The following TGFBRAP1 variants were observed in gnomAD, a reference collection of about 807,000 sequenced individuals.
The protein encoded by TGFBRAP1 is transforming growth factor-beta receptor-associated protein 1.
In TGFBRAP1, 20 loss-of-function variants were observed where a neutral mutation model predicts 83.2. The ratio of observed to expected loss-of-function variants is 0.24; its 90% CI spans 0.17 to 0.35. The LOEUF (loss-of-function observed/expected upper bound fraction) is 0.35, where lower values mean the gene tolerates loss of function less well. Ranked by LOEUF, TGFBRAP1 falls within the 10% of genes least tolerant of loss-of-function variation. The pLI, the probability that TGFBRAP1 is intolerant of heterozygous loss-of-function variation, is 1.00. For synonymous variants in TGFBRAP1, 415 were observed against 459.8 expected (o/e 0.90, Z 1.25); for missense variants, 950 against 1,099.4 (o/e 0.86, Z 1.92).
chr2:105,324,341 G>C (rs773136473), intron 1 of TGFBRAP1: 1 of 152,162 alleles, frequency 6.6e-6, no homozygotes, highest in Non-Finnish European at 1.5e-5. Context: ...GGTATATTGG[G>C]TAATTATCTC....
Position 105,269,481 on chromosome 2 carries a change from G to A in TGFBRAP1, c.2197C>T (p.Leu733=). The A allele has an allele frequency of 6.2e-7, 1 of 1,613,536 alleles. No individual in the cohort carries two copies. Reference sequence around the variant, plus strand: ...AGCAGGTCCACGGCAGCCACGGCCAGCTCGTGGGCAGTGGGGCCAGCATGC... The same window carrying A: ...AGCAGGTCCACGGCAGCCACGGCCAACTCGTGGGCAGTGGGGCCAGCATGC... ...YLHAGPTAHE[L]AVAAVDLLNR... The change falls in exon 11 of 12, where the codon CTG becomes TTG. Residue 733 remains leucine, a synonymous_variant. Coordinates refer to ENST00000393359, the MANE Select transcript of TGFBRAP1 (RefSeq NM_004257.6). The surrounding 1 kb of genome is among the most constrained non-coding windows in gnomAD (Gnocchi z 4.1).
chr2:105,299,711 A>C (rs978537023), intron 2 of TGFBRAP1, among the ~76,000 whole-genome samples: 3 of 152,120 alleles, frequency 2.0e-5, no homozygotes, highest in African/African-American at 7.2e-5. Context: ...CCTGGGCAAC[A>C]TAGTGAGACC....
the TGFBRAP1 span, among the ~76,000 whole-genome samples, chr2:105,252,073 C>T: frequency 6.6e-6 from 1 of 151,446 alleles, no homozygotes; most frequent in Admixed American, 6.6e-5. Context: ...CTGACCTTCC[C>T]TCCACTATTG....
the TGFBRAP1 span, among the ~76,000 whole-genome samples, chr2:105,250,787 G>T: frequency 6.6e-6 from 1 of 152,160 alleles, no homozygotes; most frequent in South Asian, 2.1e-4. Context: ...CCGAGTGCCT[G>T]CGATTGCAGG....
chr2:105,298,916 T>G (rs1433527986), intron 2 of TGFBRAP1, among the ~76,000 whole-genome samples: 3 of 152,204 alleles, frequency 2.0e-5, no homozygotes, highest in Non-Finnish European at 4.4e-5. Context: ...TTACCCAGAA[T>G]GTATATCTGA....
downstream of TGFBRAP1, among the ~76,000 whole-genome samples, chr2:105,263,511 G>A (rs1459604145): frequency 1.3e-5 from 2 of 152,082 alleles, no homozygotes; most frequent in African/African-American, 4.8e-5. Context: ...AAGTATGCGT[G>A]AGTTCATGAC....
At position 105,292,662 on chromosome 2, in the gene TGFBRAP1, G is replaced by A. The variant is rs991391850; in HGVS notation, c.1038+3694C>T. On this transcript the variant is annotated intron_variant, in intron 4 of 11. Transcript: ENST00000393359. Reference sequence around the variant, plus strand: ...GGTGGGAGGGGGAGAGGGAGAAGGAGGGAGAGAGAGAGAGAAAGAATATAT... The same window carrying A: ...GGTGGGAGGGGGAGAGGGAGAAGGAAGGAGAGAGAGAGAGAAAGAATATAT... 3.3e-5 allele frequency among the ~76,000 whole-genome samples: 5 copies of A among 151,828 alleles called. No individual in the cohort carries two copies. The East Asian group carries it at 5.8e-4, about 18-fold the overall frequency.
Position 105,273,625 on chromosome 2 carries a change from G to C in TGFBRAP1, c.1731C>G (p.Asp577Glu). ...DEQQKNSFNPDDIINCLKKYP... is the reference protein window; with the variant it reads ...DEQQKNSFNPEDIINCLKKYP... Reference sequence around the variant, plus strand: ...ATTTTTTAAGGCAATTGATAATGTCGTCTGGATTAAAACTGTTCTTCTGCT... The same window carrying C: ...ATTTTTTAAGGCAATTGATAATGTCCTCTGGATTAAAACTGTTCTTCTGCT... Residue 577 changes from aspartate (D) to glutamate (E), a missense_variant, in exon 9 of 12, where the codon GAC (aspartate) becomes GAG (glutamate). Coordinates refer to ENST00000393359, the MANE Select transcript of TGFBRAP1 (RefSeq NM_004257.6). 1.9e-6 allele frequency: 3 copies of C among 1,614,130 alleles called. No homozygotes were observed. Among genetic ancestry groups the C allele is most frequent in the South Asian group, 1.1e-5 (1 of 91,082 alleles).
rs1677504793 is a variant in TGFBRAP1 at position 105,280,654 on chromosome 2, G to A, written c.1191C>T (p.Phe397=). 1 of 1,614,190 alleles carries A rather than the reference G, an allele frequency of 6.2e-7. No homozygotes were observed. The highest frequency in any genetic ancestry group is 8.5e-7 in the Non-Finnish European group (1 of 1,180,038). Residue 397 remains phenylalanine (F), a synonymous_variant, in exon 6 of 12, where the codon TTC becomes TTT. Coordinates refer to ENST00000393359, the MANE Select transcript of TGFBRAP1 (RefSeq NM_004257.6). ...CATGAAGAGGAGGGTGGGACCGGGT[G>A]AAGGAGGAGGAGGTGGGCAACAGGA... ...YPFLLPTSSS[F]TRSHPPLHEY... is the part of the protein sequence containing the mutation.
intron 5 of TGFBRAP1, among the ~76,000 whole-genome samples, chr2:105,282,909 G>A (rs1276944588): frequency 6.6e-6 from 1 of 151,788 alleles, no homozygotes; most frequent in Non-Finnish European, 1.5e-5. Context: ...AAGCCATTAA[G>A]AGAGTGAGGT....
intron 2 of TGFBRAP1, among the ~76,000 whole-genome samples, chr2:105,304,151 T>A (rs1016196287): frequency 5.2e-4 from 79 of 152,258 alleles, no homozygotes; most frequent in Non-Finnish European, 9.9e-4. Flanking sequence ...TACTGTCAGG[T>A]TTTTTAGGAA....
intron 1 of TGFBRAP1, among the ~76,000 whole-genome samples, chr2:105,313,155 T>C (rs1451450437): frequency 6.6e-6 from 1 of 152,222 alleles, no homozygotes; most frequent in African/African-American, 2.4e-5. Flanking sequence ...CTTCCCTTAC[T>C]CCTTAGGAAG....
chr2:105,318,238 G>C (rs1678945864), intron 1 of TGFBRAP1, among the ~76,000 whole-genome samples: 1 of 152,148 alleles, frequency 6.6e-6, no homozygotes, highest in Non-Finnish European at 1.5e-5. Flanking sequence ...CTGTACAGCT[G>C]CAAGAGAATG....
At chr2:105,279,260 G>T (rs1677449023) in intron 6 of TGFBRAP1, among the ~76,000 whole-genome samples, 1 of 152,112 alleles carries the variant, frequency 6.6e-6, no homozygotes, top group African/African-American at 2.4e-5. Context: ...AAGGAAGGCA[G>T]AGTTTTTTGT....
chr2:105,275,447 AGAG>A (rs1192889467), intron 8 of TGFBRAP1, 110 bp downstream of exon 8: 6 of 1,470,654 alleles, frequency 4.1e-6, no homozygotes, highest in East Asian at 4.8e-5. Flanking sequence ...AACAAAAAAC[AGAG>A]GAGGAGGTTG....
chr2:105,290,552 A>G (rs1056210570), intron 4 of TGFBRAP1, among the ~76,000 whole-genome samples: 1 of 151,588 alleles, frequency 6.6e-6, no homozygotes, highest in Non-Finnish European at 1.5e-5. Flanking sequence ...TTTGCCATGC[A>G]GGATGTGTAT....
Position 105,290,722 on chromosome 2 carries a change from C to G in TGFBRAP1, c.1038+5634G>C, listed in dbSNP as rs1330857472. Among the ~76,000 whole-genome samples, 10 of 150,750 alleles carry G rather than the reference C, an allele frequency of 6.6e-5. No homozygotes were observed. In the Admixed American group the frequency reaches 6.7e-4, roughly 10 times the overall value. On this transcript the variant is annotated intron_variant, in intron 4 of 11. Transcript: ENST00000393359. ...AAATTATTTTAAAATGTTCCAAAACCAGCTGGGCAAGGTGGCTCACACCTG... is the reference window on the plus strand; with the variant it reads ...AAATTATTTTAAAATGTTCCAAAACGAGCTGGGCAAGGTGGCTCACACCTG...
At chr2:105,288,580 G>A (rs1677793899) in intron 4 of TGFBRAP1, among the ~76,000 whole-genome samples, 1 of 152,032 alleles carries the variant, frequency 6.6e-6, no homozygotes, top group Non-Finnish European at 1.5e-5. Context: ...AATATAACAG[G>A]AATATATGAG....
intron 2 of TGFBRAP1, among the ~76,000 whole-genome samples, chr2:105,300,387 C>T (rs1678242984): frequency 6.6e-6 from 1 of 151,966 alleles, no homozygotes; most frequent in African/African-American, 2.4e-5. Context: ...ACTATTATTT[C>T]CCATCAATCC....
Sources: allele counts gnomAD v4.1 joint callset (sites outside exome capture counted in the v4.1 genomes callset), GRCh38; gene constraint gnomAD v4.1.1; non-coding constraint Gnocchi (gnomAD v3.1); transcripts MANE v1.5; gene names NCBI Gene and HGNC (gene_info 2026-07-23, HGNC 2026-07-21).